Variants in MYLK4 observed in about 807,000 individuals in gnomAD.
MYLK4 encodes caMLCK like.
A neutral mutation model predicts 48.1 loss-of-function variants in MYLK4; 46 were observed. The ratio of observed to expected loss-of-function variants is 0.96; its 90% CI spans 0.75 to 1.22. The LOEUF is 1.22. Among genes scored for constraint, MYLK4 ranks in the 50% most tolerant of loss-of-function variants. The pLI is 0.00. For synonymous variants in MYLK4, 170 were observed against 180.8 expected, an observed-to-expected ratio of 0.94 and a Z score of 0.48; for missense variants, 451 against 486.1, an observed-to-expected ratio of 0.93 and a Z score of 0.68.
intron 2 of MYLK4, among the ~76,000 whole-genome samples, chr6:2,716,698 C>G (rs1762877686): frequency 1.3e-5 from 2 of 152,178 alleles, no homozygotes; most frequent in South Asian, 4.1e-4. Context: ...GGTCAAGAAC[C>G]TAGGTTCAAA....
At chr6:2,669,356 A>G (rs1029103714) in intron 12 of MYLK4, among the ~76,000 whole-genome samples, 2 of 152,204 alleles carry the variant, frequency 1.3e-5, no homozygotes, top group African/African-American at 2.4e-5. Context: ...GTGGTCTTCC[A>G]TCACATTGGG....
intron 2 of MYLK4, among the ~76,000 whole-genome samples, chr6:2,700,429 T>C (rs1762241982): frequency 6.6e-6 from 1 of 152,182 alleles, no homozygotes; most frequent in African/African-American, 2.4e-5. Flanking sequence ...CTCTGTCGCC[T>C]CCGGTCACTC....
At chr6:2,697,444 A>C (rs1048404908) in intron 2 of MYLK4, among the ~76,000 whole-genome samples, 11 of 152,204 alleles carry the variant, frequency 7.2e-5, no homozygotes, top group African/African-American at 2.7e-4. Context: ...TAACCATTAC[A>C]TTTACTGCCA....
chr6:2,685,572 G>C lies in MYLK4; in HGVS notation c.346C>G (p.Arg116Gly), dbSNP rs755265191. 2 of 1,614,074 alleles carry C rather than the reference G, an allele frequency of 1.2e-6. No homozygotes were observed. Among genetic ancestry groups the C allele is most frequent in the Non-Finnish European group, 1.7e-6 (2 of 1,179,998 alleles). ...VSKTEILGGG[R>G]FGQVHKCEET... is the part of the protein sequence containing the mutation. ...TCACACTTGTGAACCTGGCCGAAAC[G>C]CCCTCTGCCAAAAAGAGGAAGCGGC... Residue 116 changes from arginine (R) to glycine (G), a missense_variant, in exon 5 of 13, where the codon CGT (arginine) becomes GGT (glycine). Physicochemically the swap from Arg to Gly is moderately radical, Grantham distance 125 (BLOSUM62 -2). Coordinates refer to ENST00000274643, the MANE Select transcript of MYLK4 (RefSeq NM_001012418.5). This position sits in a 1 kb window ranked among gnomAD's most constrained non-coding sequence, Gnocchi z 4.5.
chr6:2,763,249 G>A, the MYLK4 span, among the ~76,000 whole-genome samples: 6 of 152,388 alleles, frequency 3.9e-5, no homozygotes, highest in East Asian at 1.9e-4. Flanking sequence ...GTCCCCACCA[G>A]ACTCAGAAAC....
the MYLK4 span, chr6:2,770,294 G>C: frequency 6.2e-7 from 1 of 1,614,084 alleles, no homozygotes; most frequent in South Asian, 1.1e-5. Flanking sequence ...CAACTCCCTG[G>C]GAATCCACGT....
intron 2 of MYLK4, among the ~76,000 whole-genome samples, chr6:2,740,701 C>T (rs145294596): frequency 3.9e-5 from 6 of 152,324 alleles, no homozygotes; most frequent in Admixed American, 2.6e-4. Flanking sequence ...GGAATGACAT[C>T]GTAGAGACAT....
chr6:2,669,320 G>A (rs1343574920), intron 12 of MYLK4, among the ~76,000 whole-genome samples: 1 of 152,188 alleles, frequency 6.6e-6, no homozygotes, highest in Non-Finnish European at 1.5e-5. Flanking sequence ...TGCGTCCTCT[G>A]CACAGCCATC....
chr6:2,706,691 C>T (rs899960550), intron 2 of MYLK4, among the ~76,000 whole-genome samples: 2 of 152,162 alleles, frequency 1.3e-5, no homozygotes, highest in African/African-American at 4.8e-5. Context: ...ACTTGAAATT[C>T]TTCGAGGAGG....
At position 2,665,236 on chromosome 6, in the gene MYLK4, C is replaced by T. The variant is rs1177097679; in HGVS notation, c.*2689G>A. 2 of 152,402 alleles carry T rather than the reference C, an allele frequency of 1.3e-5. No individual in the cohort carries two copies. Among genetic ancestry groups the T allele is most frequent in the Non-Finnish European group, 2.9e-5 (2 of 68,206 alleles). 9.4% of individuals were successfully genotyped at this position (152,402 alleles called of 1,614,324 possible). ...CTCGGCTTTGCAAAGCCCCCTTTCCCCATTAGAGCAGCAGTCTACCTAGTT... is the reference window on the plus strand; with the variant it reads ...CTCGGCTTTGCAAAGCCCCCTTTCCTCATTAGAGCAGCAGTCTACCTAGTT... On this transcript the variant is annotated 3_prime_UTR_variant, in exon 13 of 13. Coordinates refer to ENST00000274643, the MANE Select transcript of MYLK4 (RefSeq NM_001012418.5).
the MYLK4 span, among the ~76,000 whole-genome samples, chr6:2,766,733 G>A: frequency 6.6e-6 from 1 of 152,288 alleles, no homozygotes; most frequent in African/African-American, 2.4e-5. Context: ...GATTTGATCT[G>A]CCTTTATCTT....
chr6:2,700,040 C>T (rs915897820), intron 2 of MYLK4, among the ~76,000 whole-genome samples: 8 of 152,168 alleles, frequency 5.3e-5, no homozygotes, highest in African/African-American at 1.7e-4. Flanking sequence ...ATTTTATTTT[C>T]CCCCATCTTA....
In MYLK4 at chr6:2,673,710, G is replaced by A. The variant is rs1436037214; in HGVS notation, c.1119+1337C>T. Among the ~76,000 whole-genome samples, 12 of 152,272 alleles carry A rather than the reference G, an allele frequency of 7.9e-5. No individual in the cohort carries two copies. The South Asian group carries it at 2.3e-3, about 29-fold the overall frequency. On this transcript the variant is annotated intron_variant, in intron 11 of 12. Transcript: ENST00000274643. The surrounding 1 kb of genome is among the most constrained non-coding windows in gnomAD (Gnocchi z 4.2). Reference sequence around the variant, plus strand: ...AAAGTTACTTGGGCATTACACATCTGTTTCTGTGTTAATTATATAATCCAC... The same window carrying A: ...AAAGTTACTTGGGCATTACACATCTATTTCTGTGTTAATTATATAATCCAC...
Position 2,665,731 on chromosome 6 carries a change from AACGCCCTGCC to A in MYLK4, c.*2184_*2193del, listed in dbSNP as rs1760622846. On this transcript the variant is annotated 3_prime_UTR_variant, in exon 13 of 13. Coordinates refer to ENST00000274643, the MANE Select transcript of MYLK4 (RefSeq NM_001012418.5). ...AGAGAATGCACACCACAGGACAGAAAACGCCCTGCCACGAGGGGCTTCAAATCAGACCCCT... is the reference window on the plus strand; with the variant it reads ...AGAGAATGCACACCACAGGACAGAAAACGAGGGGCTTCAAATCAGACCCCT... The A allele has an allele frequency of 6.6e-6, 1 of 152,168 alleles. No homozygotes were observed. Among genetic ancestry groups the A allele is most frequent in the African/African-American group, 2.4e-5 (1 of 41,442 alleles). 9.4% of individuals were successfully genotyped at this position (152,168 alleles called of 1,614,324 possible). A position where few individuals can be genotyped will look rare whatever the true frequency, so the allele number is the denominator to read the frequency against.
the MYLK4 span, among the ~76,000 whole-genome samples, chr6:2,759,393 C>T: frequency 2.0e-5 from 3 of 152,338 alleles, no homozygotes; most frequent in South Asian, 6.2e-4. Context: ...AGACATGAAC[C>T]ACTGTGCCCA....
At chr6:2,751,408 C>T (rs1352845584), upstream of MYLK4, among the ~76,000 whole-genome samples, 1 of 152,198 alleles carries the variant, frequency 6.6e-6, no homozygotes, top group Admixed American at 6.5e-5. Context: ...CCATTTCTAG[C>T]TCTAGGGAAA....
intron 8 of MYLK4, 136 bp downstream of exon 8, chr6:2,680,085 C>T: frequency 9.6e-7 from 1 of 1,046,476 alleles, no homozygotes; most frequent in East Asian, 2.6e-5. Context: ...CAAGTTAAGG[C>T]CAAACATAAT....
chr6:2,698,365 G>C (rs1204225312), intron 2 of MYLK4, among the ~76,000 whole-genome samples: 2 of 152,114 alleles, frequency 1.3e-5, no homozygotes, highest in Admixed American at 1.3e-4. Flanking sequence ...TACAACAAGG[G>C]GGTTATCAGG....
chr6:2,684,264 A>C (rs1367239277), intron 6 of MYLK4, among the ~76,000 whole-genome samples: 1 of 152,136 alleles, frequency 6.6e-6, no homozygotes, highest in Non-Finnish European at 1.5e-5. Context: ...GACGCTGGAC[A>C]AAGGGATGAT....
Sources: gnomAD v4.1 joint callset for allele counts (sites outside exome capture counted in the v4.1 genomes callset) on GRCh38, gnomAD v4.1.1 for gene constraint, Gnocchi (gnomAD v3.1) non-coding constraint, MANE v1.5 for transcripts, NCBI Gene and HGNC (gene_info 2026-07-23, HGNC 2026-07-21) for gene names.